Variants in ZNF564 observed in about 807,000 individuals in gnomAD.
The protein encoded by ZNF564 is zinc finger protein 564.
A neutral mutation model predicts 10.5 loss-of-function variants in ZNF564; 5 were observed. The observed-to-expected ratio is 0.48, with a 90% confidence interval of 0.25 to 1.00. The LOEUF (loss-of-function observed/expected upper bound fraction) is 1.00, where lower values mean the gene tolerates loss of function less well. Ranked by LOEUF, ZNF564 falls within the 50% of genes least tolerant of loss-of-function variation. ZNF564 has a pLI of 0.16. For synonymous variants in ZNF564, 242 were observed against 218.1 expected, an observed-to-expected ratio of 1.11 and a Z score of -0.97; for missense variants, 603 against 669.7, an observed-to-expected ratio of 0.90 and a Z score of 1.10.
chr19:12,539,624 T>C (rs1333892458), intron 1 of ZNF564, among the ~76,000 whole-genome samples: 27 of 140,442 alleles, frequency 1.9e-4, no homozygotes, highest in South Asian at 1.2e-3. Context: ...GCCGAGATCG[T>C]GCCACTGCAC....
rs906302107 is a variant in ZNF564, at chr19:12,527,897, G to C, written c.211C>G (p.Leu71Val). The stretch of plus-strand genomic sequence containing the variant: ...TGATCATATTCTTTACTTTCACTGA[G>C]TCCCTCTTCCATATGATTTCTGGAA... ...RILRNHMEEGLSESKEYDQCG... is the reference protein window; with the variant it reads ...RILRNHMEEGVSESKEYDQCG... The change falls in exon 4 of 4, where the codon CTC (leucine) becomes GTC (valine). Residue 71 changes from leucine (L) to valine (V), a missense_variant. Transcript: ENST00000339282. 1 of 1,595,846 alleles carries C rather than the reference G, an allele frequency of 6.3e-7. No homozygotes were observed. Among genetic ancestry groups the C allele is most frequent in the Non-Finnish European group, 8.5e-7 (1 of 1,171,494 alleles).
At chr19:12,532,328 G>C (rs1248198160) in intron 1 of ZNF564, among the ~76,000 whole-genome samples, 1 of 151,440 alleles carries the variant, frequency 6.6e-6, no homozygotes, top group East Asian at 1.9e-4. Context: ...GAGGTCAGGA[G>C]ATTGAGACCA....
Position 12,526,958 on chromosome 19 carries a change from T to C in ZNF564, c.1150A>G (p.Met384Val), listed in dbSNP as rs1235962453. The C allele has an allele frequency of 6.2e-7, 1 of 1,614,128 alleles. No individual in the cohort carries two copies. Among genetic ancestry groups the C allele is most frequent in the East Asian group, 2.2e-5 (1 of 44,868 alleles). The change falls in exon 4 of 4, where the codon ATG becomes GTG. Residue 384 changes from methionine to valine, a missense_variant. Transcript: ENST00000339282. ...FISLPSVRRHMIKHTGDGPYK... is the reference protein window; with the variant it reads ...FISLPSVRRHVIKHTGDGPYK... Reference sequence around the variant, plus strand: ...GGTCCATCTCCAGTGTGCTTTATCATGTGTCTTCGGACACTTGGGAGAGAA... The same window carrying C: ...GGTCCATCTCCAGTGTGCTTTATCACGTGTCTTCGGACACTTGGGAGAGAA...
intron 1 of ZNF564, among the ~76,000 whole-genome samples, chr19:12,531,646 G>A (rs1301255139): frequency 6.6e-6 from 1 of 151,746 alleles, no homozygotes; most frequent in Admixed American, 6.6e-5. Flanking sequence ...TACCACAGAA[G>A]GCCACAACCC....
Position 12,528,457 on chromosome 19 carries a change from G to A in ZNF564, c.131-93C>T. 6 of 1,574,670 alleles carry A rather than the reference G, an allele frequency of 3.8e-6. 1 individual carries two copies. In the South Asian group the frequency reaches 6.9e-5, roughly 18 times the overall value. On this transcript the variant is annotated intron_variant, in intron 2 of 3. Transcript: ENST00000339282. ...TTCATGATAAGGTGCAAACAACCCTGATTTATTCACCCAAGTATTCCCTTT... is the reference window on the plus strand; with the variant it reads ...TTCATGATAAGGTGCAAACAACCCTAATTTATTCACCCAAGTATTCCCTTT...
chr19:12,547,443 G>A (rs1159892538), intron 1 of ZNF564, among the ~76,000 whole-genome samples: 2 of 152,076 alleles, frequency 1.3e-5, no homozygotes, highest in Non-Finnish European at 2.9e-5. Flanking sequence ...TTCACATAAA[G>A]TCACTTCTTA....
At chr19:12,539,022 G>C (rs1416024657) in intron 1 of ZNF564, among the ~76,000 whole-genome samples, 1 of 151,078 alleles carries the variant, frequency 6.6e-6, no homozygotes, top group Non-Finnish European at 1.5e-5. Context: ...GAGGTCAGGA[G>C]TTCAAGACCA....
chr19:12,526,034 T>G lies in ZNF564; in HGVS notation c.*412A>C, dbSNP rs1163835363. The G allele has an allele frequency of 6.3e-6, 1 of 158,898 alleles. No individual in the cohort carries two copies. The highest frequency in any genetic ancestry group is 1.4e-5 in the Non-Finnish European group (1 of 72,410). The allele number at this position is 158,898 out of a possible 1,614,324, so 9.8% of individuals were successfully genotyped here. ...GGGGTAAGGTTTCAACATATGAATC[T>G]GAGGTGGCATACACTCAGCCAAAAC... On this transcript the variant is annotated 3_prime_UTR_variant, in exon 4 of 4. Transcript: ENST00000339282.
intron 1 of ZNF564, among the ~76,000 whole-genome samples, chr19:12,534,976 T>C (rs947520037): frequency 2.0e-5 from 3 of 152,178 alleles, no homozygotes; most frequent in Non-Finnish European, 4.4e-5. Flanking sequence ...CAAGAGATTC[T>C]TGATAAACAA....
intron 3 of ZNF564, 101 bp from the exon 4 acceptor site, chr19:12,528,017 T>C: frequency 7.6e-7 from 1 of 1,314,572 alleles, no homozygotes; most frequent in Non-Finnish European, 1.0e-6. Context: ...GGGTAAGTTT[T>C]CAGGCCTGTA....
At chr19:12,533,349 C>T (rs1040014401) in intron 1 of ZNF564, among the ~76,000 whole-genome samples, 2 of 152,090 alleles carry the variant, frequency 1.3e-5, no homozygotes, top group African/African-American at 4.8e-5. Flanking sequence ...TTAGGGTATG[C>T]AGCAAAAGCA....
intron 1 of ZNF564, among the ~76,000 whole-genome samples, chr19:12,545,194 G>A (rs1466605808): frequency 2.0e-5 from 3 of 150,998 alleles, no homozygotes; most frequent in East Asian, 1.9e-4. Flanking sequence ...CCCAGGAGGC[G>A]GAGGTTGTGG....
At chr19:12,541,745 G>T (rs966058239) in intron 1 of ZNF564, among the ~76,000 whole-genome samples, 2 of 152,076 alleles carry the variant, frequency 1.3e-5, no homozygotes, top group African/African-American at 4.8e-5. Context: ...GCCAGGCATG[G>T]TGGCTCACGC....
intron 1 of ZNF564, among the ~76,000 whole-genome samples, chr19:12,536,857 T>C (rs888310654): frequency 6.6e-6 from 1 of 152,200 alleles, no homozygotes; most frequent in African/African-American, 2.4e-5. Flanking sequence ...GGAATGAACC[T>C]GAAAACTCCT....
In ZNF564 at chr19:12,528,632, G is replaced by A; in HGVS notation, c.68C>T (p.Pro23Leu). 2 of 1,614,032 alleles carry A rather than the reference G, an allele frequency of 1.2e-6. No individual in the cohort carries two copies. The highest frequency in any genetic ancestry group is 1.7e-6 in the Non-Finnish European group (2 of 1,179,990). The change falls in exon 2 of 4, where the codon CCT becomes CTT. Residue 23 changes from proline to leucine, a missense_variant. By Grantham distance (98) the Pro-to-Leu change is moderately conservative. Coordinates refer to ENST00000339282, the MANE Select transcript of ZNF564 (RefSeq NM_144976.4). ...ATCTCTGTAGAGTTTCTTCTGGGAA[G>A]GATCCAGCAAAGCCCACTCCTCAAG... ...FTLEEWALLD[P>L]SQKKLYRDVM...
intron 1 of ZNF564, among the ~76,000 whole-genome samples, chr19:12,531,562 C>CA (rs954305310): frequency 2.0e-4 from 30 of 148,318 alleles, no homozygotes; most frequent in African/African-American, 6.5e-4. Flanking sequence ...ACTCTGTCTC[C>CA]AAAAAAAATA....
At chr19:12,538,432 TG>T (rs2021960968) in intron 1 of ZNF564, among the ~76,000 whole-genome samples, 1 of 151,766 alleles carries the variant, frequency 6.6e-6, no homozygotes, top group African/African-American at 2.4e-5. Context: ...AACACTAGCC[TG>T]GACAAGATGA....
intron 1 of ZNF564, among the ~76,000 whole-genome samples, chr19:12,543,513 A>G (rs1410129932): frequency 6.6e-6 from 1 of 151,208 alleles, no homozygotes; most frequent in Non-Finnish European, 1.5e-5. Context: ...TGTCTCTACT[A>G]AAAATACAAA....
intron 1 of ZNF564, among the ~76,000 whole-genome samples, chr19:12,542,582 G>T (rs183474413): frequency 7.0e-4 from 105 of 150,660 alleles, no homozygotes; most frequent in Admixed American, 1.3e-3. Context: ...GATCACGCCA[G>T]TGCAGATCAT....
Sources: gnomAD v4.1 joint callset for allele counts (sites outside exome capture counted in the v4.1 genomes callset) on GRCh38, gnomAD v4.1.1 for gene constraint, MANE v1.5 for transcripts, NCBI Gene and HGNC (gene_info 2026-07-23, HGNC 2026-07-21) for gene names.